The following INTS15 variants were observed in gnomAD, a reference collection of about 807,000 sequenced individuals.
The protein encoded by INTS15 is integrator complex subunit 15.
the INTS15 span, among the ~76,000 whole-genome samples, chr7:6,606,745 C>T: frequency 1.3e-5 from 2 of 148,968 alleles, no homozygotes; most frequent in Non-Finnish European, 3.0e-5. Context: ...GGCTCCCAGG[C>T]TGGAGTGCAG....
the INTS15 span, chr7:6,608,513 C>T: frequency 8.6e-7 from 1 of 1,165,068 alleles, no homozygotes; most frequent in Non-Finnish European, 1.1e-6. Context: ...TGGCCTCTTT[C>T]CTCGTGAAGA....
the INTS15 span, among the ~76,000 whole-genome samples, chr7:6,601,450 C>T: frequency 6.6e-6 from 1 of 151,726 alleles, no homozygotes; most frequent in African/African-American, 2.4e-5. Context: ...TATGTGTCAG[C>T]ACGTCTGGCT....
At chr7:6,606,695 CTTT>C in the INTS15 span, among the ~76,000 whole-genome samples, 80 of 137,906 alleles carry the variant, frequency 5.8e-4, no homozygotes, top group Non-Finnish European at 8.1e-4. Flanking sequence ...CCCAGAGGGC[CTTT>C]TTTTTTTTTT....
At chr7:6,598,735 T>TTGTGTGTG in the INTS15 span, among the ~76,000 whole-genome samples, 6,965 of 83,456 alleles carry the variant, frequency 0.083, 571 homozygotes, top group Non-Finnish European at 0.088. Flanking sequence ...GCTGTATGCT[T>TTGTGTGTG]TGTGTGTGTG....
At chr7:6,599,987 T>G in the INTS15 span, 18 of 1,614,144 alleles carry the variant, frequency 1.1e-5, no homozygotes, top group African/African-American at 2.4e-4. Flanking sequence ...GATCCGCTGG[T>G]GCGTGAAGGC....
chr7:6,604,307 A>G, the INTS15 span, among the ~76,000 whole-genome samples: 4 of 152,218 alleles, frequency 2.6e-5, no homozygotes, highest in Non-Finnish European at 5.9e-5. Context: ...AACTGGAAAC[A>G]ACCTGTCCTA....
the INTS15 span, chr7:6,608,327 A>G: frequency 1.4e-6 from 2 of 1,428,208 alleles, no homozygotes; most frequent in Non-Finnish European, 1.8e-6. Flanking sequence ...ACCCGGTCGC[A>G]TTCTTTGACA....
chr7:6,597,491 C>T, the INTS15 span, among the ~76,000 whole-genome samples: 2 of 152,118 alleles, frequency 1.3e-5, no homozygotes, highest in African/African-American at 2.4e-5. Context: ...GTCAGGGTTT[C>T]ACCCTCTTGG....
chr7:6,601,242 G>A, the INTS15 span, among the ~76,000 whole-genome samples: 2 of 151,602 alleles, frequency 1.3e-5, no homozygotes, highest in Non-Finnish European at 1.5e-5. Flanking sequence ...AAAGTGCTAG[G>A]ATTACCACTC....
At chr7:6,596,902 G>T in the INTS15 span, among the ~76,000 whole-genome samples, 1 of 151,480 alleles carries the variant, frequency 6.6e-6, no homozygotes, top group African/African-American at 2.4e-5. Context: ...TCCTGCCTCA[G>T]CCTGTAGCTG....
chr7:6,602,665 A>T, the INTS15 span: 1 of 471,014 alleles, frequency 2.1e-6, no homozygotes, highest in East Asian at 6.9e-5. Flanking sequence ...GACTCACAGG[A>T]CGGTAGTGAG....
At chr7:6,605,266 G>A in the INTS15 span, among the ~76,000 whole-genome samples, 1 of 152,262 alleles carries the variant, frequency 6.6e-6, no homozygotes, top group East Asian at 1.9e-4. Flanking sequence ...TGGGATTACA[G>A]GCATGAGCCA....
the INTS15 span, among the ~76,000 whole-genome samples, chr7:6,590,939 A>G: frequency 1.3e-5 from 2 of 151,836 alleles, no homozygotes; most frequent in African/African-American, 2.4e-5. Flanking sequence ...CCTGGGCTCA[A>G]GTAATCCTCC....
At chr7:6,592,869 C>T in the INTS15 span, among the ~76,000 whole-genome samples, 1 of 152,080 alleles carries the variant, frequency 6.6e-6, no homozygotes, top group East Asian at 1.9e-4. Flanking sequence ...CTCAGCCTCC[C>T]AAAGTGCCGG....
the INTS15 span, among the ~76,000 whole-genome samples, chr7:6,601,763 TCTC>T: frequency 2.6e-5 from 4 of 151,866 alleles, no homozygotes; most frequent in African/African-American, 9.7e-5. Flanking sequence ...TTCAAGCAGT[TCTC>T]CTGCCTCAGC....
At chr7:6,598,662 C>T in the INTS15 span, among the ~76,000 whole-genome samples, 2 of 151,712 alleles carry the variant, frequency 1.3e-5, no homozygotes. Flanking sequence ...GCATTGCACA[C>T]CAAGCCCCGC....
the INTS15 span, among the ~76,000 whole-genome samples, chr7:6,592,305 C>T: frequency 2.6e-5 from 4 of 152,084 alleles, no homozygotes; most frequent in African/African-American, 9.6e-5. Flanking sequence ...GTGGTTCACT[C>T]CTGTAATCCC....
the INTS15 span, chr7:6,607,889 G>T: frequency 1.2e-5 from 19 of 1,579,044 alleles, no homozygotes; most frequent in Admixed American, 2.4e-4. This position sits in a 1 kb window ranked among gnomAD's most constrained non-coding sequence, Gnocchi z 6.0. Context: ...GGGGGACGGG[G>T]TCAGCCTACC....
chr7:6,600,492 G>A, the INTS15 span: 1 of 947,896 alleles, frequency 1.1e-6, no homozygotes, highest in Non-Finnish European at 1.5e-6. Flanking sequence ...AGGGGAGGAA[G>A]GTGCCCCAGC....
Sources: allele counts gnomAD v4.1 joint callset (sites outside exome capture counted in the v4.1 genomes callset), GRCh38; gene constraint gnomAD v4.1.1; non-coding constraint Gnocchi (gnomAD v3.1); transcripts MANE v1.5; gene names NCBI Gene and HGNC (gene_info 2026-07-23, HGNC 2026-07-21).